The following SUSD5 variants were observed in gnomAD, a reference collection of about 807,000 sequenced individuals.
SUSD5 encodes sushi domain-containing protein 5.
A neutral mutation model predicts 29.5 loss-of-function variants in SUSD5; 33 were observed. The ratio of observed to expected loss-of-function variants is 1.12; its 90% CI spans 0.85 to 1.49. SUSD5 has a LOEUF of 1.49. SUSD5 is among the 40% of genes most tolerant of loss of function. The pLI, the probability that SUSD5 is intolerant of heterozygous loss-of-function variation, is 0.00. For missense variants in SUSD5, 776 were observed against 800.6 expected (o/e 0.97, Z 0.37); for synonymous variants, 308 against 325.3 (o/e 0.95, Z 0.57).
At chr3:33,185,551 T>C (rs1017190536) in intron 3 of SUSD5, among the ~76,000 whole-genome samples, 3 of 152,184 alleles carry the variant, frequency 2.0e-5, no homozygotes, top group African/African-American at 7.2e-5. Context: ...TATCTGTTTT[T>C]ACCTGTTTCT....
chr3:33,180,387 G>T (rs575501177), intron 3 of SUSD5, among the ~76,000 whole-genome samples: 2 of 152,170 alleles, frequency 1.3e-5, no homozygotes, highest in Non-Finnish European at 2.9e-5. Flanking sequence ...TTGAGACATG[G>T]TCTTGCTCTG....
intron 4 of SUSD5, among the ~76,000 whole-genome samples, chr3:33,159,635 T>G (rs967156269): frequency 3.3e-5 from 5 of 152,046 alleles, no homozygotes; most frequent in African/African-American, 1.2e-4. Context: ...AGTGTTCCAG[T>G]TGAAACTGTA....
In SUSD5 at chr3:33,194,326, C is replaced by T. The variant is rs148006924; in HGVS notation, c.409+13482G>A. 3.0e-3 allele frequency among the ~76,000 whole-genome samples: 456 copies of T among 152,244 alleles called. 1 individual carries two copies. The highest frequency in any genetic ancestry group is 4.3e-3 in the Admixed American group (65 of 15,288). On this transcript the variant is annotated intron_variant, in intron 3 of 4. Coordinates refer to ENST00000309558, the MANE Select transcript of SUSD5 (RefSeq NM_015551.2). ...CTGGCCTCCCATTTAGCTGGCTCTA[C>T]GGGTATTAAACTCTTTCTCTATTGC...
At position 33,174,869 on chromosome 3, in the gene SUSD5, A is replaced by G; in HGVS notation, c.598+17T>C. 6.2e-7 allele frequency: 1 copy of G among 1,611,786 alleles called. No homozygotes were observed. Among genetic ancestry groups the G allele is most frequent in the Non-Finnish European group, 8.5e-7 (1 of 1,178,244 alleles). ...CTGCGTGGGCACGCGAAGGTGGCCC[A>G]TCCCTGGGCTGCTTACCTTTCCCAC... On this transcript the variant is annotated intron_variant, in intron 4 of 4. Transcript: ENST00000309558.
chr3:33,169,626 G>C (rs1410041929), intron 4 of SUSD5, among the ~76,000 whole-genome samples: 1 of 152,202 alleles, frequency 6.6e-6, no homozygotes, highest in Non-Finnish European at 1.5e-5. Flanking sequence ...AGACAGCATG[G>C]AGTGAGTGTT....
At chr3:33,209,493 T>G (rs1295840755) in intron 2 of SUSD5, among the ~76,000 whole-genome samples, 2 of 152,106 alleles carry the variant, frequency 1.3e-5, no homozygotes, top group Non-Finnish European at 2.9e-5. Flanking sequence ...TATCTTCCTC[T>G]GAAATATTTT....
intron 4 of SUSD5, among the ~76,000 whole-genome samples, chr3:33,164,202 A>T (rs1324315495): frequency 6.6e-6 from 1 of 152,162 alleles, no homozygotes; most frequent in Non-Finnish European, 1.5e-5. Context: ...ATAGATATAG[A>T]TATATAGTTT....
chr3:33,211,743 A>G (rs2032327618), intron 2 of SUSD5, among the ~76,000 whole-genome samples: 1 of 152,248 alleles, frequency 6.6e-6, no homozygotes, highest in Non-Finnish European at 1.5e-5. Context: ...TTCTCTGAGC[A>G]TGACTAAAGA....
At position 33,153,924 on chromosome 3, in the gene SUSD5, AC is replaced by A. The variant is rs758384272; in HGVS notation, c.707del (p.Gly236ValfsTer25). 1 of 1,613,824 alleles carries A rather than the reference AC, an allele frequency of 6.2e-7. No homozygotes were observed. Among genetic ancestry groups the A allele is most frequent in the Non-Finnish European group, 8.5e-7 (1 of 1,179,862 alleles). On this transcript the variant is annotated frameshift_variant, in exon 5 of 5. Transcript: ENST00000309558. LOFTEE classifies it low-confidence loss of function (END_TRUNC). ...GAGCCTCCTCAGAGGAGTCTCCCTGACCCCTGTCCTCATCTGCCTCTGTCCG... is the reference window on the plus strand; with the variant it reads ...GAGCCTCCTCAGAGGAGTCTCCCTGACCCTGTCCTCATCTGCCTCTGTCCG... ...DSRTEADEDR[G>X]QGDSSEEAPK...
At chr3:33,158,662 G>T (rs2031108368) in intron 4 of SUSD5, among the ~76,000 whole-genome samples, 1 of 152,162 alleles carries the variant, frequency 6.6e-6, no homozygotes, top group African/African-American at 2.4e-5. Context: ...TACTGCAGAA[G>T]AAATTATCTT....
intron 3 of SUSD5, among the ~76,000 whole-genome samples, chr3:33,191,575 C>G (rs116697443): frequency 6.6e-6 from 1 of 152,010 alleles, no homozygotes; most frequent in African/African-American, 2.4e-5. Flanking sequence ...AAAGTGGAAC[C>G]GATGGATGAA....
At chr3:33,209,851 T>C (rs2032290806) in intron 2 of SUSD5, among the ~76,000 whole-genome samples, 1 of 152,110 alleles carries the variant, frequency 6.6e-6, no homozygotes, top group African/African-American at 2.4e-5. Context: ...GGTCTATCCA[T>C]TAAGTTCTTA....
intron 2 of SUSD5, 148 bp from the exon 3 acceptor site, chr3:33,208,074 T>C: frequency 1.7e-6 from 1 of 597,828 alleles, no homozygotes; most frequent in Non-Finnish European, 2.9e-6. Context: ...ACACATTCTC[T>C]GCAAAAAAAA....
chr3:33,161,259 A>C (rs1389876875), intron 4 of SUSD5, among the ~76,000 whole-genome samples: 1 of 152,202 alleles, frequency 6.6e-6, no homozygotes, highest in Non-Finnish European at 1.5e-5. Context: ...ATGGAGTCAA[A>C]GTGTTTGATG....
chr3:33,183,520 G>A (rs1473306686), intron 3 of SUSD5, among the ~76,000 whole-genome samples: 1 of 152,084 alleles, frequency 6.6e-6, no homozygotes, highest in African/African-American at 2.4e-5. Context: ...GGTAGTGCAA[G>A]TACCTTATAA....
chr3:33,203,235 C>T (rs2032153104), intron 3 of SUSD5, among the ~76,000 whole-genome samples: 1 of 152,218 alleles, frequency 6.6e-6, no homozygotes, highest in African/African-American at 2.4e-5. Flanking sequence ...GAGCCATTTA[C>T]ATGCTCTTTC....
chr3:33,198,497 T>A (rs1209897640), intron 3 of SUSD5, among the ~76,000 whole-genome samples: 1 of 152,342 alleles, frequency 6.6e-6, no homozygotes, highest in South Asian at 2.1e-4. Context: ...TGGGGCTTCC[T>A]GATCTACTGG....
Position 33,175,067 on chromosome 3 carries a change from C to T in SUSD5, c.417G>A (p.Pro139=), listed in dbSNP as rs763444279. 1.2e-5 allele frequency: 19 copies of T among 1,613,974 alleles called. No individual in the cohort carries two copies. Among genetic ancestry groups the T allele is most frequent in the Admixed American group, 5.0e-5 (3 of 60,024 alleles). ...SALCIKDEEK[P]CGDPPSFPHT... is the part of the protein sequence containing the mutation. The stretch of plus-strand genomic sequence containing the variant: ...GTGGGAACGAAGGCGGGTCTCCACA[C>T]GGCTTCTCTGAGGAGAAGGAATCAC... Residue 139 remains proline (P), a synonymous_variant, in exon 4 of 5, where the codon CCG becomes CCA. Coordinates refer to ENST00000309558, the MANE Select transcript of SUSD5 (RefSeq NM_015551.2).
intron 2 of SUSD5, among the ~76,000 whole-genome samples, chr3:33,213,515 G>A (rs1036248485): frequency 9.9e-5 from 15 of 152,242 alleles, no homozygotes; most frequent in African/African-American, 3.4e-4. Context: ...CACACCAGGC[G>A]TGGTGGCTTA....
Sources: allele counts gnomAD v4.1 joint callset (sites outside exome capture counted in the v4.1 genomes callset), GRCh38; gene constraint gnomAD v4.1.1; transcripts MANE v1.5; gene names NCBI Gene and HGNC (gene_info 2026-07-23, HGNC 2026-07-21).